The following MCMDC2 variants were observed in gnomAD, a reference collection of about 807,000 sequenced individuals.
MCMDC2 encodes minichromosome maintenance domain-containing protein 2.
A neutral mutation model predicts 75.8 loss-of-function variants in MCMDC2; 54 were observed. That is an observed-to-expected ratio of 0.71 (90% CI 0.57 to 0.89). The LOEUF is 0.89. MCMDC2 is among the 40% of genes least tolerant of loss of function. The pLI, the probability that MCMDC2 is intolerant of heterozygous loss-of-function variation, is 0.00. For missense variants in MCMDC2, 656 were observed against 780.4 expected (o/e 0.84, Z 1.90); for synonymous variants, 249 against 274.6 (o/e 0.91, Z 0.92).
chr8:66,893,899 T>C (rs1812226001), intron 10 of MCMDC2, among the ~76,000 whole-genome samples: 1 of 152,202 alleles, frequency 6.6e-6, no homozygotes, highest in African/African-American at 2.4e-5. Context: ...CCTGCTAGTA[T>C]GTCCTCTCCC....
intron 9 of MCMDC2, among the ~76,000 whole-genome samples, chr8:66,889,345 C>T (rs1362823560): frequency 6.6e-6 from 1 of 152,172 alleles, no homozygotes; most frequent in Non-Finnish European, 1.5e-5. Flanking sequence ...CAGCAAATGC[C>T]ATGAGACAGG....
At chr8:66,914,507 A>G (rs1813234219) in intron 14 of MCMDC2, among the ~76,000 whole-genome samples, 1 of 152,190 alleles carries the variant, frequency 6.6e-6, no homozygotes, top group Non-Finnish European at 1.5e-5. Flanking sequence ...TGTTTTCAAA[A>G]CACTGAAAGA....
intron 4 of MCMDC2, among the ~76,000 whole-genome samples, chr8:66,876,723 T>TTTTA (rs969272087): frequency 6.6e-6 from 1 of 152,036 alleles, no homozygotes; most frequent in Admixed American, 6.6e-5. Context: ...CATTGTTTTA[T>TTTTA]TTTATTTATT....
At chr8:66,897,403 T>A in intron 12 of MCMDC2, among the ~76,000 whole-genome samples, 1 of 142,788 alleles carries the variant, frequency 7.0e-6, no homozygotes, top group Admixed American at 7.2e-5. Flanking sequence ...TAAGACCCTG[T>A]CTCAAAAAAA....
At chr8:66,913,771 C>G (rs547557290) in intron 14 of MCMDC2, among the ~76,000 whole-genome samples, 1 of 151,650 alleles carries the variant, frequency 6.6e-6, no homozygotes, top group Admixed American at 6.6e-5. Context: ...TTGAGACCAG[C>G]CTGGACAAAT....
intron 12 of MCMDC2, among the ~76,000 whole-genome samples, chr8:66,899,351 C>T (rs1405177862): frequency 1.3e-5 from 2 of 152,166 alleles, no homozygotes; most frequent in African/African-American, 2.4e-5. Context: ...ATCATCATGC[C>T]ATCTTAGAGA....
intron 14 of MCMDC2, among the ~76,000 whole-genome samples, chr8:66,916,250 G>T (rs1252235597): frequency 6.6e-6 from 1 of 152,096 alleles, no homozygotes; most frequent in Admixed American, 6.6e-5. Context: ...TACAAAAAAG[G>T]TGAGAGGGGT....
intron 8 of MCMDC2, among the ~76,000 whole-genome samples, chr8:66,882,622 C>G (rs1811641832): frequency 6.6e-6 from 1 of 152,232 alleles, no homozygotes; most frequent in South Asian, 2.1e-4. Context: ...CCTTGGCCTT[C>G]CAAAGTGCTG....
chr8:66,877,238 G>A (rs1811332747), intron 4 of MCMDC2, 111 bp from the exon 5 acceptor site: 1 of 652,104 alleles, frequency 1.5e-6, no homozygotes, highest in South Asian at 2.6e-5. Context: ...TGGTTCCTAA[G>A]AACAATAACA....
chr8:66,874,609 C>A lies in MCMDC2; in HGVS notation c.285+23C>A, dbSNP rs949066711. 2.5e-6 allele frequency: 4 copies of A among 1,594,734 alleles called. No homozygotes were observed. The South Asian group carries it at 4.5e-5, about 18-fold the overall frequency. On this transcript the variant is annotated intron_variant, in intron 4 of 14. Transcript: ENST00000422365. Reference sequence around the variant, plus strand: ...CAAGTAAGTTTTAGTTACATTTAAGCAAACTCAGGTACAGATTTACATGAT... The same window carrying A: ...CAAGTAAGTTTTAGTTACATTTAAGAAAACTCAGGTACAGATTTACATGAT...
At chr8:66,904,241 A>G (rs1002668548) in intron 13 of MCMDC2, among the ~76,000 whole-genome samples, 8 of 152,156 alleles carry the variant, frequency 5.3e-5, no homozygotes, top group African/African-American at 1.7e-4. Context: ...GAGAGTAGCC[A>G]TCATGGTAAG....
intron 1 of MCMDC2, among the ~76,000 whole-genome samples, chr8:66,873,111 G>A (rs1811103779): frequency 6.6e-6 from 1 of 151,960 alleles, no homozygotes. Context: ...TTTATTTCTA[G>A]CACCTGTTAC....
At chr8:66,890,738 T>G in intron 9 of MCMDC2, 127 bp from the exon 10 acceptor site, 4 of 815,424 alleles carry the variant, frequency 4.9e-6, no homozygotes, top group East Asian at 2.7e-5. Flanking sequence ...TCATATATAT[T>G]TTTATCCCTA....
intron 14 of MCMDC2, among the ~76,000 whole-genome samples, chr8:66,909,866 C>A (rs1405442506): frequency 6.6e-6 from 1 of 152,226 alleles, no homozygotes; most frequent in African/African-American, 2.4e-5. Context: ...TGTCAGAGGT[C>A]TTCACAGCAG....
At chr8:66,879,298 T>C (rs1301974886) in intron 7 of MCMDC2, among the ~76,000 whole-genome samples, 1 of 151,470 alleles carries the variant, frequency 6.6e-6, no homozygotes, top group African/African-American at 2.4e-5. Flanking sequence ...AACAAAATAA[T>C]AAATGAAAAG....
chr8:66,886,041 A>G (rs955378830), intron 9 of MCMDC2, among the ~76,000 whole-genome samples: 2 of 151,968 alleles, frequency 1.3e-5, no homozygotes, highest in Admixed American at 6.6e-5. Context: ...TGTTTTGACT[A>G]TTATGAATAA....
chr8:66,897,154 C>A (rs907139087), intron 12 of MCMDC2, among the ~76,000 whole-genome samples, 195 bp downstream of exon 12: 1 of 152,044 alleles, frequency 6.6e-6, no homozygotes, highest in African/African-American at 2.4e-5. Flanking sequence ...TGCCTATAAT[C>A]CCAGCACTTT....
At chr8:66,925,615 C>A (rs1813697779), downstream of MCMDC2, 1 of 152,310 alleles carries the variant, frequency 6.6e-6, no homozygotes, top group South Asian at 2.1e-4. Context: ...CCCCGCCCCT[C>A]CGCGGGTGCG....
At chr8:66,896,138 A>C in intron 10 of MCMDC2, 32 bp from the exon 11 acceptor site, 1 of 1,585,694 alleles carries the variant, frequency 6.3e-7, no homozygotes, top group Non-Finnish European at 8.5e-7. Flanking sequence ...AAATGAACTT[A>C]AATAACAAAT....
Sources: allele counts gnomAD v4.1 joint callset (sites outside exome capture counted in the v4.1 genomes callset), GRCh38; gene constraint gnomAD v4.1.1; transcripts MANE v1.5; gene names NCBI Gene and HGNC (gene_info 2026-07-23, HGNC 2026-07-21).